Variants in HFM1 observed in about 807,000 individuals in gnomAD.
HFM1 encodes the protein helicase for meiosis 1.
A neutral mutation model predicts 192.1 loss-of-function variants in HFM1; 169 were observed. The observed-to-expected ratio is 0.88, with a 90% CI of 0.78 to 1.00. HFM1 has a LOEUF of 1.00. HFM1 is among the 50% of genes least tolerant of loss of function. HFM1 has a pLI of 0.00. For missense variants in HFM1, 1,661 were observed against 1,668.0 expected (o/e 1.00, Z 0.07); for synonymous variants, 525 against 537.8 (o/e 0.98, Z 0.33).
In HFM1 at chr1:91,385,657, AT is replaced by A; in HGVS notation, c.671del (p.Asn224MetfsTer30). 6.2e-7 allele frequency: 1 copy of A among 1,612,050 alleles called. No homozygotes were observed. Among genetic ancestry groups the A allele is most frequent in the South Asian group, 1.1e-5 (1 of 91,056 alleles). On this transcript the variant is annotated frameshift_variant, in exon 5 of 39. Transcript: ENST00000370425. LOFTEE classifies it high-confidence loss of function. ...QYSANVFTAN[N>X]AFSASEIGEG... The stretch of plus-strand genomic sequence containing the variant: ...CTCCGATTTCAGAAGCAGAAAAAGC[AT>A]TATTTGCTGTAAACACATTTGCAGA...
chr1:91,289,228 C>T (rs1570798548), intron 30 of HFM1, among the ~76,000 whole-genome samples: 1 of 146,954 alleles, frequency 6.8e-6, no homozygotes, highest in Admixed American at 6.8e-5. Flanking sequence ...AAGACGGGGT[C>T]GCGGCCGGAC....
chr1:91,364,460 C>A (rs1658950919), intron 13 of HFM1, among the ~76,000 whole-genome samples: 2 of 150,898 alleles, frequency 1.3e-5, no homozygotes, highest in Non-Finnish European at 3.0e-5. Flanking sequence ...AAGAAGAGAT[C>A]ATTACCTCAT....
intron 25 of HFM1, among the ~76,000 whole-genome samples, chr1:91,318,244 C>T (rs1651555263): frequency 6.6e-6 from 1 of 152,152 alleles, no homozygotes; most frequent in Non-Finnish European, 1.5e-5. Context: ...CCCATGACTT[C>T]CTAGTCAGCC....
intron 19 of HFM1, among the ~76,000 whole-genome samples, chr1:91,344,163 T>C (rs910506496): frequency 9.2e-5 from 14 of 152,296 alleles, no homozygotes; most frequent in Admixed American, 7.8e-4. Context: ...ATGCTCACTA[T>C]TGATGGGGAT....
chr1:91,375,703 C>T lies in HFM1; in HGVS notation c.1420G>A (p.Glu474Lys), dbSNP rs1460412631. 1 of 1,613,090 alleles carries T rather than the reference C, an allele frequency of 6.2e-7. No individual in the cohort carries two copies. The highest frequency in any genetic ancestry group is 1.1e-5 in the South Asian group (1 of 91,048). ...EDIAEWLSDG[E>K]RPAVCLKMDE... ...ATTTTCAGACACACAGCTGGTCTTT[C>T]ACCATCTGAAAGCCATTCTGCAATC... Residue 474 changes from glutamate to lysine, a missense_variant, in exon 12 of 39, where the codon GAA becomes AAA. By Grantham distance (56) the Glu-to-Lys change is moderately conservative. Coordinates refer to ENST00000370425, the MANE Select transcript of HFM1 (RefSeq NM_001017975.6).
chr1:91,360,699 C>G (rs1296057029), intron 13 of HFM1, among the ~76,000 whole-genome samples: 1 of 152,052 alleles, frequency 6.6e-6, no homozygotes, highest in Non-Finnish European at 1.5e-5. Flanking sequence ...GTGGACCTGA[C>G]AGATAGCTAC....
chr1:91,299,002 G>T (rs1000784207), intron 30 of HFM1, among the ~76,000 whole-genome samples: 4 of 152,120 alleles, frequency 2.6e-5, no homozygotes, highest in African/African-American at 9.7e-5. Context: ...GCAAACTGGA[G>T]AAAGAGTTAA....
chr1:91,293,952 A>C (rs896243853), intron 30 of HFM1, among the ~76,000 whole-genome samples: 2 of 151,196 alleles, frequency 1.3e-5, no homozygotes, highest in Non-Finnish European at 2.9e-5. Flanking sequence ...CGCAAGAACA[A>C]AAAACCAAAC....
intron 38 of HFM1, chr1:91,261,588 T>C: frequency 3.4e-6 from 1 of 295,222 alleles, no homozygotes; most frequent in Non-Finnish European, 6.2e-6. Flanking sequence ...TCTTTAAATA[T>C]ATTGAAAAGT....
chr1:91,277,623 ATATATATAATATATAC>A (rs1283338894), intron 30 of HFM1, among the ~76,000 whole-genome samples: 7 of 129,880 alleles, frequency 5.4e-5, no homozygotes, highest in Admixed American at 2.9e-4. Context: ...CTATATACTA[ATATATATAATATATAC>A]TATATATAAT....
rs201614164 is a variant in HFM1 at position 91,380,180 on chromosome 1, A to G, written c.930T>C (p.Thr310=). 4.5e-6 allele frequency: 7 copies of G among 1,567,332 alleles called. No individual in the cohort carries two copies. In the East Asian group the frequency reaches 1.6e-4, roughly 36 times the overall value. The change falls in exon 8 of 39, where the codon ACT becomes ACC. Residue 310 remains threonine (T), a synonymous_variant. Coordinates refer to ENST00000370425, the MANE Select transcript of HFM1 (RefSeq NM_001017975.6). ...VICAPTGSGK[T]VVFELAITRL... ...TTGTTATAGCTAGTTCAAACACTAC[A>G]GTTTTTCCAGAACCAGTTGGAGCAC...
rs758034150 is a variant in HFM1, at chr1:91,319,193, T to C, written c.2697A>G (p.Val899=). The C allele has an allele frequency of 6.2e-7, 1 of 1,607,070 alleles. No individual in the cohort carries two copies. The highest frequency in any genetic ancestry group is 1.1e-5 in the South Asian group (1 of 89,056). The change falls in exon 25 of 39, where the codon GTA becomes GTG. Residue 899 remains valine, a synonymous_variant. Transcript: ENST00000370425. ...SRITRWLSDF[V]AAQEKKFAVL... is the part of the protein sequence containing the mutation. ...CAGCAAACTTCTTTTCTTGAGCAGC[T>C]ACAAAATCTGACAACCCTAAAAAAA... is the stretch of plus-strand genomic sequence containing the variant.
At chr1:91,308,618 G>A (rs1649991145) in intron 30 of HFM1, among the ~76,000 whole-genome samples, 1 of 152,132 alleles carries the variant, frequency 6.6e-6, no homozygotes, top group South Asian at 2.1e-4. Flanking sequence ...GTGCACTACA[G>A]CCTCAAACTC....
In HFM1 at chr1:91,394,321, T is replaced by A; in HGVS notation, c.266A>T (p.Lys89Ile). 6.3e-7 allele frequency: 1 copy of A among 1,583,354 alleles called. No individual in the cohort carries two copies. The highest frequency in any genetic ancestry group is 8.7e-7 in the Non-Finnish European group (1 of 1,152,682). ...EDTNYISLTQKFQFAFPSDKY... is the reference protein window; with the variant it reads ...EDTNYISLTQIFQFAFPSDKY... ...ATCAGAAGGAAAGGCAAACTGGAAT[T>A]TTTGTGTTAGTGAAATATAATTTGT... is the stretch of plus-strand genomic sequence containing the variant. Residue 89 changes from lysine (K) to isoleucine (I), a missense_variant, in exon 4 of 39, where the codon AAA (lysine) becomes ATA (isoleucine). Coordinates refer to ENST00000370425, the MANE Select transcript of HFM1 (RefSeq NM_001017975.6).
intron 6 of HFM1, among the ~76,000 whole-genome samples, chr1:91,382,892 G>T (rs1661721845): frequency 6.6e-6 from 1 of 152,130 alleles, no homozygotes; most frequent in African/African-American, 2.4e-5. Flanking sequence ...ATGGGGAAAT[G>T]TCTGCAGAAC....
At chr1:91,279,315 T>A (rs1667250887) in intron 30 of HFM1, among the ~76,000 whole-genome samples, 1 of 152,190 alleles carries the variant, frequency 6.6e-6, no homozygotes, top group African/African-American at 2.4e-5. Context: ...AGGCTTTGAC[T>A]TTAAACTTTG....
At chr1:91,375,105 A>G (rs1200182596) in intron 13 of HFM1, among the ~76,000 whole-genome samples, 3 of 152,130 alleles carry the variant, frequency 2.0e-5, no homozygotes, top group Non-Finnish European at 4.4e-5. Flanking sequence ...AAAGACTATA[A>G]AAGATGCTGG....
chr1:91,395,028 TATATAAC>T (rs1663481975), intron 3 of HFM1, among the ~76,000 whole-genome samples: 1 of 151,874 alleles, frequency 6.6e-6, no homozygotes, highest in Non-Finnish European at 1.5e-5. Context: ...TATAAGTATA[TATATAAC>T]ATATATGTAA....
At chr1:91,293,015 AC>A (rs1668961406) in intron 30 of HFM1, among the ~76,000 whole-genome samples, 1 of 152,198 alleles carries the variant, frequency 6.6e-6, no homozygotes, top group Non-Finnish European at 1.5e-5. Context: ...GAAAGCTGAA[AC>A]TGGATCCCTT....
Sources: gnomAD v4.1 joint callset for allele counts (sites outside exome capture counted in the v4.1 genomes callset) on GRCh38, gnomAD v4.1.1 for gene constraint, MANE v1.5 for transcripts, NCBI Gene and HGNC (gene_info 2026-07-23, HGNC 2026-07-21) for gene names.